NELL2: variants seen among roughly 807,000 people sequenced by gnomAD.
NELL2 encodes neural EGFL like 2.
Under a neutral mutation model 109.6 loss-of-function variants are expected in NELL2, and 41 were observed. The observed-to-expected ratio is 0.37, with a 90% CI of 0.29 to 0.49. The LOEUF (loss-of-function observed/expected upper bound fraction) is 0.49, where lower values mean the gene tolerates loss of function less well. NELL2 is among the 20% of genes least tolerant of loss of function. The pLI is 0.98. For missense variants in NELL2, 900 were observed against 1,008.3 expected (o/e 0.89, Z 1.45); for synonymous variants, 355 against 344.7 (o/e 1.03, Z -0.33).
chr12:44,558,646 G>T (rs1392906570), intron 15 of NELL2, among the ~76,000 whole-genome samples: 1 of 152,198 alleles, frequency 6.6e-6, no homozygotes, highest in African/African-American at 2.4e-5. Context: ...CTCTAGCCCA[G>T]ATACTATGCT....
At chr12:44,889,248 G>A (rs1247707228) in intron 1 of NELL2, among the ~76,000 whole-genome samples, 1 of 151,976 alleles carries the variant, frequency 6.6e-6, no homozygotes, top group Non-Finnish European at 1.5e-5. Flanking sequence ...CACTGTAAGA[G>A]AACTGAAAAT....
chr12:44,743,405 A>G (rs1940123409), intron 9 of NELL2, among the ~76,000 whole-genome samples: 1 of 152,336 alleles, frequency 6.6e-6, no homozygotes, highest in East Asian at 1.9e-4. Context: ...AACGAGCAAA[A>G]TAACCAGCTA....
intron 9 of NELL2, among the ~76,000 whole-genome samples, chr12:44,747,475 A>G (rs1940437586): frequency 6.6e-6 from 1 of 152,024 alleles, no homozygotes; most frequent in African/African-American, 2.4e-5. Context: ...ATTAAAAAGA[A>G]TACAGTATAT....
chr12:44,769,344 C>T (rs1256949449), intron 9 of NELL2, among the ~76,000 whole-genome samples: 1 of 152,016 alleles, frequency 6.6e-6, no homozygotes, highest in Admixed American at 6.6e-5. Context: ...CATAAATATA[C>T]AAAAAGGCAC....
intron 12 of NELL2, among the ~76,000 whole-genome samples, chr12:44,685,129 T>C (rs957103906): frequency 4.6e-5 from 7 of 152,204 alleles, no homozygotes; most frequent in East Asian, 1.9e-4. Flanking sequence ...ATATTTAGGA[T>C]AGTTAGTTCT....
At chr12:44,764,800 C>A (rs1207899278) in intron 9 of NELL2, among the ~76,000 whole-genome samples, 1 of 151,918 alleles carries the variant, frequency 6.6e-6, no homozygotes. Context: ...CTTAAAACAT[C>A]CCTAAAACAT....
At chr12:44,766,170 T>A (rs991330069) in intron 9 of NELL2, among the ~76,000 whole-genome samples, 2 of 152,210 alleles carry the variant, frequency 1.3e-5, no homozygotes, top group Non-Finnish European at 2.9e-5. Flanking sequence ...TTCCTTTCTG[T>A]CCCTTCCTCA....
chr12:44,677,030 C>G (rs756747688), intron 12 of NELL2, among the ~76,000 whole-genome samples: 6 of 152,014 alleles, frequency 3.9e-5, no homozygotes, highest in Non-Finnish European at 7.4e-5. Flanking sequence ...ATCTGGAAAG[C>G]AAAGTGAGGG....
chr12:44,721,044 C>T (rs1343751487), intron 9 of NELL2, among the ~76,000 whole-genome samples: 1 of 152,068 alleles, frequency 6.6e-6, no homozygotes, highest in Non-Finnish European at 1.5e-5. Flanking sequence ...ATTCAAGCAC[C>T]CTGTCCAGAT....
intron 12 of NELL2, among the ~76,000 whole-genome samples, chr12:44,687,910 AT>A (rs1472218252): frequency 6.6e-6 from 1 of 152,156 alleles, no homozygotes; most frequent in Non-Finnish European, 1.5e-5. Flanking sequence ...CATTTCTGTA[AT>A]GAAAAATGAT....
intron 1 of NELL2, among the ~76,000 whole-genome samples, chr12:44,882,724 CA>C (rs1945428865): frequency 6.6e-6 from 1 of 151,118 alleles, no homozygotes; most frequent in Non-Finnish European, 1.5e-5. Flanking sequence ...GACAGGGTTT[CA>C]CCATGTTGGC....
chr12:44,530,610 A>G (rs1017241446), intron 16 of NELL2, among the ~76,000 whole-genome samples: 1 of 152,230 alleles, frequency 6.6e-6, no homozygotes, highest in Non-Finnish European at 1.5e-5. Flanking sequence ...CACATCTGAC[A>G]TGAGGTTATA....
intron 9 of NELL2, among the ~76,000 whole-genome samples, chr12:44,769,899 C>A (rs1489623017): frequency 6.6e-6 from 1 of 152,074 alleles, no homozygotes; most frequent in African/African-American, 2.4e-5. Flanking sequence ...GTACAAGAAG[C>A]CAGACACACA....
chr12:44,556,174 C>T (rs2136173591), intron 15 of NELL2, among the ~76,000 whole-genome samples: 1 of 152,262 alleles, frequency 6.6e-6, no homozygotes, highest in Non-Finnish European at 1.5e-5. Context: ...GTGCAGTTTA[C>T]TTCAGGGTTT....
At chr12:44,615,365 T>C (rs770928270) in intron 13 of NELL2, among the ~76,000 whole-genome samples, 10 of 152,160 alleles carry the variant, frequency 6.6e-5, no homozygotes, top group Non-Finnish European at 1.3e-4. Context: ...ATAATAATCA[T>C]AGCTAAAATT....
chr12:44,876,376 G>T, upstream of NELL2: 1 of 1,238,340 alleles, frequency 8.1e-7, no homozygotes, highest in Non-Finnish European at 1.0e-6. Flanking sequence ...GGGCGGGCCG[G>T]GGGAGGCGGG....
chr12:44,580,842 C>T (rs1376884535), intron 15 of NELL2, among the ~76,000 whole-genome samples: 1 of 152,208 alleles, frequency 6.6e-6, no homozygotes, highest in East Asian at 1.9e-4. Context: ...TACATTTCAG[C>T]TCATTTTATA....
upstream of NELL2, among the ~76,000 whole-genome samples, chr12:44,918,270 G>T (rs1945843248): frequency 6.6e-6 from 1 of 151,926 alleles, no homozygotes; most frequent in Non-Finnish European, 1.5e-5. Flanking sequence ...CTCACATTTA[G>T]GGAAAAGAAA....
chr12:44,749,857 C>T (rs1044665359), intron 9 of NELL2, among the ~76,000 whole-genome samples: 4 of 151,924 alleles, frequency 2.6e-5, no homozygotes, highest in East Asian at 1.9e-4. Context: ...TTGTGCACTA[C>T]GTAAAACCTG....
Sources: gnomAD v4.1 joint callset for allele counts (sites outside exome capture counted in the v4.1 genomes callset) on GRCh38, gnomAD v4.1.1 for gene constraint, MANE v1.5 for transcripts, NCBI Gene and HGNC (gene_info 2026-07-23, HGNC 2026-07-21) for gene names.